Variants in RAB7A observed in about 807,000 individuals in gnomAD.
The protein encoded by RAB7A is RAB7A, member RAS oncogene family.
A neutral mutation model predicts 24.5 loss-of-function variants in RAB7A; 2 were observed. That is an observed-to-expected ratio of 0.08 (90% CI 0.03 to 0.26). The LOEUF (loss-of-function observed/expected upper bound fraction) is 0.26, where lower values mean the gene tolerates loss of function less well. Among genes scored for constraint, RAB7A ranks in the 10% least tolerant of loss-of-function variants. The probability of loss-of-function intolerance (pLI) is 1.00; values close to 1 mark genes in which losing one functional copy is unlikely to be tolerated. For synonymous variants in RAB7A, 100 were observed against 95.9 expected (o/e 1.04, Z -0.25); for missense variants, 118 against 255.7 (o/e 0.46, Z 3.67).
chr3:128,779,815 T>C (rs1276990141), intron 1 of RAB7A, among the ~76,000 whole-genome samples: 1 of 152,198 alleles, frequency 6.6e-6, no homozygotes, highest in Non-Finnish European at 1.5e-5. Context: ...TCGAAACTCC[T>C]GGTCTCCCAA....
intron 1 of RAB7A, among the ~76,000 whole-genome samples, chr3:128,792,223 T>A (rs1310338607): frequency 6.6e-6 from 1 of 152,176 alleles, no homozygotes. Context: ...TGTAGGAGTC[T>A]GGAGGTTGAA....
chr3:128,771,026 G>A (rs1245876620), intron 1 of RAB7A, among the ~76,000 whole-genome samples: 1 of 151,162 alleles, frequency 6.6e-6, no homozygotes, highest in East Asian at 1.9e-4. Flanking sequence ...CTGGAGTGCA[G>A]TGGTACAATC....
At position 128,806,579 on chromosome 3, in the gene RAB7A, G is replaced by C; in HGVS notation, c.388G>C (p.Glu130Gln). The stretch of plus-strand genomic sequence containing the variant: ...TGTGTTGGGAAACAAGATTGACCTC[G>C]AAAACAGACAAGTAAGTACCAACGA... ...FVVLGNKIDL[E>Q]NRQVATKRAQ... The change falls in exon 4 of 6, where the codon GAA (glutamate) becomes CAA (glutamine). Residue 130 changes from glutamate (E) to glutamine (Q), a missense_variant. Glu to Gln is a conservative substitution (Grantham distance 29). Around this residue, in one of 2 missense-constraint regions of RAB7A, gnomAD observed 52 missense variants for 173.5 expected, o/e 0.30. Transcript: ENST00000265062. The C allele has an allele frequency of 6.2e-7, 1 of 1,613,554 alleles. No individual in the cohort carries two copies. The highest frequency in any genetic ancestry group is 8.5e-7 in the Non-Finnish European group (1 of 1,179,462).
At chr3:128,770,460 C>A (rs530814945) in intron 1 of RAB7A, among the ~76,000 whole-genome samples, 83 of 152,290 alleles carry the variant, frequency 5.5e-4, no homozygotes, top group African/African-American at 2.0e-3. Flanking sequence ...TTGCCTAACC[C>A]AAGATCTGAC....
At chr3:128,783,445 A>T (rs1350510799) in intron 1 of RAB7A, among the ~76,000 whole-genome samples, 1 of 152,010 alleles carries the variant, frequency 6.6e-6, no homozygotes, top group Non-Finnish European at 1.5e-5. Context: ...CAGAAAGGGC[A>T]TTACATTAGG....
intron 1 of RAB7A, among the ~76,000 whole-genome samples, chr3:128,759,965 C>G (rs1173774801): frequency 6.6e-6 from 1 of 152,160 alleles, no homozygotes; most frequent in African/African-American, 2.4e-5. Context: ...CTGCCTCGGC[C>G]TCCCAAAGTG....
chr3:128,789,448 G>A (rs1933407960), intron 1 of RAB7A, among the ~76,000 whole-genome samples: 1 of 150,820 alleles, frequency 6.6e-6, no homozygotes, highest in African/African-American at 2.4e-5. Flanking sequence ...TGATTCTCCT[G>A]CCTCAGCCTC....
intron 2 of RAB7A, among the ~76,000 whole-genome samples, chr3:128,795,686 T>C (rs2107611050): frequency 6.6e-6 from 1 of 150,530 alleles, no homozygotes; most frequent in Admixed American, 6.7e-5. Context: ...TTCTCCAAGC[T>C]GGCCAGGCTG....
intron 5 of RAB7A, 46 bp from the exon 6 acceptor site, chr3:128,813,281 G>T: frequency 1.3e-6 from 2 of 1,563,852 alleles, no homozygotes; most frequent in South Asian, 2.2e-5. Flanking sequence ...GGGCTGAAAT[G>T]TTTCTATTCC....
At chr3:128,733,914 A>G (rs2070464075) in intron 1 of RAB7A, among the ~76,000 whole-genome samples, 1 of 152,222 alleles carries the variant, frequency 6.6e-6, no homozygotes, top group African/African-American at 2.4e-5. Context: ...CCAGCAGTAT[A>G]TAAGAAGTCC....
At chr3:128,798,820 TTA>T (rs150093299) in intron 3 of RAB7A, 1,401 of 167,784 alleles carry the variant, frequency 8.4e-3, no homozygotes, top group South Asian at 0.023. Context: ...GTCTCTAAAT[TTA>T]AAAAAAAAAA....
chr3:128,776,945 TACACACACAC>T (rs71153145), intron 1 of RAB7A, among the ~76,000 whole-genome samples: 5,315 of 142,412 alleles, frequency 0.037, 264 homozygotes, highest in African/African-American at 0.11. Context: ...TTAGTTGAGC[TACACACACAC>T]ACACACACAC....
intron 1 of RAB7A, among the ~76,000 whole-genome samples, chr3:128,737,189 C>A (rs1486702561): frequency 6.6e-6 from 1 of 151,984 alleles, no homozygotes; most frequent in African/African-American, 2.4e-5. Flanking sequence ...AGGCGCCCGC[C>A]ACCACACACC....
intron 5 of RAB7A, among the ~76,000 whole-genome samples, chr3:128,811,047 T>C (rs1253840518): frequency 6.6e-6 from 1 of 150,600 alleles, no homozygotes; most frequent in Non-Finnish European, 1.5e-5. Flanking sequence ...AGAGCGAAAC[T>C]CCATCTCAAA....
chr3:128,741,833 A>T, intron 1 of RAB7A, among the ~76,000 whole-genome samples: 1 of 151,704 alleles, frequency 6.6e-6, no homozygotes, highest in African/African-American at 2.4e-5. Flanking sequence ...TTTTCCTTGG[A>T]GACAGGGCAT....
In RAB7A at chr3:128,798,087, C is replaced by T. The variant is rs774120884; in HGVS notation, c.180+18C>T. 2.5e-6 allele frequency: 4 copies of T among 1,613,438 alleles called. No homozygotes were observed. The highest frequency in any genetic ancestry group is 2.2e-5 in the South Asian group (2 of 91,066). ...CAATGCAGGTAAGCACATGTCTTGG[C>T]TGTGCTGACCAGGCCTTGATAGTTC... On this transcript the variant is annotated intron_variant, in intron 3 of 5. Transcript: ENST00000265062.
At position 128,806,358 on chromosome 3, in the gene RAB7A, T is replaced by C; in HGVS notation, c.181-14T>C. The C allele has an allele frequency of 6.3e-7, 1 of 1,598,620 alleles. No individual in the cohort carries two copies. Among genetic ancestry groups the C allele is most frequent in the Non-Finnish European group, 8.6e-7 (1 of 1,167,186 alleles). Reference sequence around the variant, plus strand: ...TAGCATTCTCCCAAGGAATGAATGTTTTGTCTCTCACAGATATGGGACACA... The same window carrying C: ...TAGCATTCTCCCAAGGAATGAATGTCTTGTCTCTCACAGATATGGGACACA... On this transcript the variant is annotated splice_polypyrimidine_tract_variant and intron_variant, in intron 3 of 5. Transcript: ENST00000265062.
intron 1 of RAB7A, among the ~76,000 whole-genome samples, chr3:128,732,330 G>A (rs1353983101): frequency 2.0e-5 from 3 of 151,508 alleles, no homozygotes; most frequent in Non-Finnish European, 4.4e-5. Context: ...GAACCACCAC[G>A]CCTGGCCCAC....
At chr3:128,765,027 T>TA in intron 1 of RAB7A, 1 of 1,473,734 alleles carries the variant, frequency 6.8e-7, no homozygotes, top group South Asian at 1.1e-5. Context: ...TGGCAGCAAC[T>TA]AAGGAGAGGT....
Sources: gnomAD v4.1 joint callset for allele counts (sites outside exome capture counted in the v4.1 genomes callset) on GRCh38, gnomAD v4.1.1 for gene constraint, gnomAD v4.1.1 regional missense constraint, MANE v1.5 for transcripts, NCBI Gene and HGNC (gene_info 2026-07-23, HGNC 2026-07-21) for gene names.